ZNF638: variants seen among roughly 807,000 people sequenced by gnomAD.
ZNF638 encodes the protein CTCL tumor antigen se33-1.
A neutral mutation model predicts 195.6 loss-of-function variants in ZNF638; 46 were observed. The observed-to-expected ratio is 0.24, with a 90% CI of 0.19 to 0.30. The LOEUF (loss-of-function observed/expected upper bound fraction) is 0.30. Ranked by LOEUF, ZNF638 falls within the 10% of genes least tolerant of loss-of-function variation. The pLI is 1.00. For missense variants in ZNF638, 2,440 were observed against 2,325.3 expected, an observed-to-expected ratio of 1.05 and a Z score of -1.01; for synonymous variants, 845 against 772.0, an observed-to-expected ratio of 1.09 and a Z score of -1.57.
intron 4 of ZNF638, 23 bp downstream of exon 4, chr2:71,363,214 T>A: frequency 6.6e-7 from 1 of 1,515,834 alleles, no homozygotes; most frequent in Admixed American, 1.8e-5. Flanking sequence ...AATAGTAATA[T>A]TATTAAAACC....
intron 1 of ZNF638, among the ~76,000 whole-genome samples, chr2:71,339,697 T>C (rs528229534): frequency 1.2e-4 from 18 of 152,328 alleles, no homozygotes; most frequent in African/African-American, 3.6e-4. Flanking sequence ...AGTTTCTCAG[T>C]AAAGCAGTAA....
chr2:71,366,275 A>G (rs1341247669), intron 6 of ZNF638, among the ~76,000 whole-genome samples: 15 of 151,866 alleles, frequency 9.9e-5, no homozygotes, highest in Admixed American at 9.8e-4. Flanking sequence ...TGGAAGGATC[A>G]CTTGAGCCCG....
chr2:71,337,835 T>C (rs558526936), intron 1 of ZNF638, among the ~76,000 whole-genome samples: 3 of 152,368 alleles, frequency 2.0e-5, no homozygotes, highest in South Asian at 2.1e-4. Context: ...TTAGTTGTTA[T>C]GTCTTTTTAA....
At chr2:71,344,459 G>GAT (rs1185843651) in intron 1 of ZNF638, among the ~76,000 whole-genome samples, 2 of 152,174 alleles carry the variant, frequency 1.3e-5, no homozygotes, top group African/African-American at 2.4e-5. Context: ...AATTTCATGA[G>GAT]ATACTAGCTC....
chr2:71,424,031 A>T lies in ZNF638; in HGVS notation c.4517A>T (p.Asn1506Ile), dbSNP rs1347438194. Residue 1506 changes from asparagine to isoleucine, a missense_variant, in exon 22 of 28, where the codon AAC becomes ATC. Asn to Ile is a moderately radical substitution (Grantham distance 149). Transcript: ENST00000264447. ...TCCATCATGAAACGGGATGACAGCA[A>T]CAATAAGGTGAGGAGGGTAGGAAGA... ...RPSIMKRDDS[N>I]NKTLAEQNTK... 1 of 1,613,270 alleles carries T rather than the reference A, an allele frequency of 6.2e-7. No individual in the cohort carries two copies. The highest frequency in any genetic ancestry group is 1.1e-5 in the South Asian group (1 of 90,980).
In ZNF638 at chr2:71,423,008, T is replaced by G. The variant is rs762482633; in HGVS notation, c.3494T>G (p.Leu1165Trp). ...GATTCTGACTTTGCTGTTGAAACTT[T>G]GGAGCTTGAAACTCAAGGAGAGGAG... is the stretch of plus-strand genomic sequence containing the variant. ...TCDSDFAVET[L>W]ELETQGEEVK... is the part of the protein sequence containing the mutation. The change falls in exon 22 of 28, where the codon TTG becomes TGG. Residue 1165 changes from leucine (L) to tryptophan (W), a missense_variant. Leu to Trp is a moderately conservative substitution (Grantham distance 61). Transcript: ENST00000264447. 2 of 1,614,154 alleles carry G rather than the reference T, an allele frequency of 1.2e-6. No individual in the cohort carries two copies. The highest frequency in any genetic ancestry group is 2.2e-5 in the South Asian group (2 of 91,080).
rs753965308 is a variant in ZNF638, at chr2:71,349,636, A to G, written c.682A>G (p.Ile228Val). 1.4e-5 allele frequency: 23 copies of G among 1,614,110 alleles called. No homozygotes were observed. The highest frequency in any genetic ancestry group is 1.9e-5 in the Non-Finnish European group (22 of 1,180,042). Reference sequence around the variant, plus strand: ...CACAGAAGATCCACTTGAAGTACGTATTTATGATCCTGAAATTCCAACTGA... The same window carrying G: ...CACAGAAGATCCACTTGAAGTACGTGTTTATGATCCTGAAATTCCAACTGA... Reference protein sequence around the residue: ...GYTEDPLEVRIYDPEIPTDEV... With the variant: ...GYTEDPLEVRVYDPEIPTDEV... Residue 228 changes from isoleucine (I) to valine (V), a missense_variant, in exon 2 of 28, where the codon ATT becomes GTT. Ile to Val is a conservative substitution (Grantham distance 29). Coordinates refer to ENST00000264447, the MANE Select transcript of ZNF638 (RefSeq NM_014497.5).
At chr2:71,397,640 A>G (rs72840912) in intron 11 of ZNF638, among the ~76,000 whole-genome samples, 1,683 of 152,312 alleles carry the variant, frequency 0.011, 11 homozygotes, top group Middle Eastern at 0.02. Flanking sequence ...TTGGAATTCA[A>G]TTTAGATCTA....
Position 71,364,028 on chromosome 2 carries a change from G to C in ZNF638, c.1493G>C (p.Arg498Thr). 6.2e-7 allele frequency: 1 copy of C among 1,614,172 alleles called. No individual in the cohort carries two copies. The change falls in exon 5 of 28, where the codon AGA becomes ACA. Residue 498 changes from arginine (R) to threonine (T), a missense_variant. Coordinates refer to ENST00000264447, the MANE Select transcript of ZNF638 (RefSeq NM_014497.5). ...SHSPSPRRSRRSSSSHRFRRS... is the reference protein window; with the variant it reads ...SHSPSPRRSRTSSSSHRFRRS... ...TCCCCCAGTCCTAGGCGTTCTAGAA[G>C]ATCAAGCTCAAGTCACAGATTCCGT... is the stretch of plus-strand genomic sequence containing the variant.
At chr2:71,356,611 C>G (rs916239981) in intron 3 of ZNF638, among the ~76,000 whole-genome samples, 1 of 151,970 alleles carries the variant, frequency 6.6e-6, no homozygotes, top group Non-Finnish European at 1.5e-5. Context: ...ACAGCAAGAT[C>G]TTGTCTCTAC....
In ZNF638 at chr2:71,400,078, T is replaced by C. The variant is rs201801710; in HGVS notation, c.2588-34T>C. 3.6e-4 allele frequency: 545 copies of C among 1,530,576 alleles called. 2 individuals are homozygous for C. The highest frequency in any genetic ancestry group is 8.1e-5 in the Non-Finnish European group (92 of 1,130,586). The allele number at this position is 1,530,576 out of a possible 1,614,324, so 94.8% of individuals were successfully genotyped here. A position where few individuals can be genotyped will look rare whatever the true frequency, so the allele number is the denominator to read the frequency against. ...TCATTAGTTTAATTATATTAGTGTT[T>C]TACTAGACTATTAAAGCAGACTATT... is the stretch of plus-strand genomic sequence containing the variant. On this transcript the variant is annotated intron_variant, in intron 13 of 27. Coordinates refer to ENST00000264447, the MANE Select transcript of ZNF638 (RefSeq NM_014497.5).
At chr2:71,346,784 T>G (rs2078857180) in intron 1 of ZNF638, among the ~76,000 whole-genome samples, 1 of 151,804 alleles carries the variant, frequency 6.6e-6, no homozygotes, top group South Asian at 2.1e-4. Flanking sequence ...CTTTGGGAGG[T>G]CAAGGCAAGT....
At chr2:71,428,194 C>T (rs2080579094) in intron 24 of ZNF638, among the ~76,000 whole-genome samples, 2 of 151,424 alleles carry the variant, frequency 1.3e-5, no homozygotes, top group African/African-American at 4.8e-5. Flanking sequence ...ACTTTGTCTC[C>T]AAAAAGAAGA....
At chr2:71,371,130 A>G (rs1442292507) in intron 8 of ZNF638, among the ~76,000 whole-genome samples, 1 of 152,188 alleles carries the variant, frequency 6.6e-6, no homozygotes, top group Non-Finnish European at 1.5e-5. Flanking sequence ...TTCACTTAAT[A>G]TAATGACTTC....
chr2:71,362,914 C>G (rs998337803), intron 3 of ZNF638, among the ~76,000 whole-genome samples: 5 of 152,134 alleles, frequency 3.3e-5, no homozygotes, highest in Admixed American at 6.5e-5. Flanking sequence ...CTTAACACTT[C>G]TGTGCATATG....
At chr2:71,418,332 A>G (rs2080347827) in intron 20 of ZNF638, 1 of 265,216 alleles carries the variant, frequency 3.8e-6, no homozygotes, top group South Asian at 1.6e-4. Context: ...CCAGGCTTCT[A>G]AAGTTAATAA....
chr2:71,431,525 C>T (rs1329416912), intron 26 of ZNF638, 97 bp downstream of exon 26: 47 of 998,958 alleles, frequency 4.7e-5, no homozygotes, highest in East Asian at 2.6e-4. Flanking sequence ...TTCGGGAGGC[C>T]GAGGCGGGTG....
chr2:71,333,831 A>G (rs189828849), intron 1 of ZNF638, among the ~76,000 whole-genome samples: 4 of 152,334 alleles, frequency 2.6e-5, no homozygotes, highest in Non-Finnish European at 5.9e-5. Flanking sequence ...TAAGTGAGAC[A>G]GTGTATGGAA....
Position 71,423,043 on chromosome 2 carries a change from G to C in ZNF638, c.3529G>C (p.Glu1177Gln). ...LETQGEEVKE[E>Q]IPLVASASVS... is the part of the protein sequence containing the mutation. ...AACTCAAGGAGAGGAGGTCAAAGAA[G>C]AAATTCCTCTTGTAGCATCCGCTTC... Residue 1177 changes from glutamate (E) to glutamine (Q), a missense_variant, in exon 22 of 28, where the codon GAA becomes CAA. Physicochemically the swap from Glu to Gln is conservative, Grantham distance 29. Transcript: ENST00000264447. The C allele has an allele frequency of 6.2e-7, 1 of 1,614,136 alleles. No individual in the cohort carries two copies. Among genetic ancestry groups the C allele is most frequent in the South Asian group, 1.1e-5 (1 of 91,084 alleles).
Sources: allele counts gnomAD v4.1 joint callset (sites outside exome capture counted in the v4.1 genomes callset), GRCh38; gene constraint gnomAD v4.1.1; transcripts MANE v1.5; gene names NCBI Gene and HGNC (gene_info 2026-07-23, HGNC 2026-07-21).